Variants in RBFOX1 observed in about 807,000 individuals in gnomAD.
RBFOX1 encodes RNA binding protein fox-1 homolog 1.
Under a neutral mutation model 57.7 loss-of-function variants are expected in RBFOX1, and 8 were observed. That is an observed-to-expected ratio of 0.14 (90% CI 0.08 to 0.25). The LOEUF (loss-of-function observed/expected upper bound fraction) is 0.25. RBFOX1 is among the 10% of genes least tolerant of loss of function. RBFOX1 has a pLI of 1.00. For synonymous variants in RBFOX1, 326 were observed against 222.4 expected (o/e 1.47, Z -4.15); for missense variants, 611 against 548.5 (o/e 1.11, Z -1.14).
At chr16:6,488,646 A>G (rs1420312416) in intron 2 of RBFOX1, among the ~76,000 whole-genome samples, 2 of 152,224 alleles carry the variant, frequency 1.3e-5, no homozygotes, top group African/African-American at 4.8e-5. Flanking sequence ...TGAGTTTAGA[A>G]TTTAGCATTT....
At chr16:5,502,664 C>G (rs940137836) in intron 2 of RBFOX1, among the ~76,000 whole-genome samples, 1 of 152,128 alleles carries the variant, frequency 6.6e-6, no homozygotes, top group South Asian at 2.1e-4. Flanking sequence ...GGCTGGGAGT[C>G]GAAGGGGTTA....
intron 5 of RBFOX1, among the ~76,000 whole-genome samples, chr16:7,539,330 C>A (rs1305962824): frequency 6.6e-6 from 1 of 152,142 alleles, no homozygotes; most frequent in Non-Finnish European, 1.5e-5. Flanking sequence ...ACAGTGGGAG[C>A]AGCATTCCAG....
At chr16:6,842,831 C>T (rs1377687439) in intron 3 of RBFOX1, among the ~76,000 whole-genome samples, 2 of 151,914 alleles carry the variant, frequency 1.3e-5, no homozygotes, top group Admixed American at 1.3e-4. Context: ...TTCCCCCAAC[C>T]CCCTGACAGG....
chr16:5,472,975 C>G (rs1371012735), intron 2 of RBFOX1, among the ~76,000 whole-genome samples: 1 of 152,166 alleles, frequency 6.6e-6, no homozygotes, highest in East Asian at 1.9e-4. Context: ...TCCAGACAGT[C>G]TGACACTGAC....
At chr16:6,658,493 C>T (rs1038408587) in intron 3 of RBFOX1, among the ~76,000 whole-genome samples, 1 of 152,126 alleles carries the variant, frequency 6.6e-6, no homozygotes, top group African/African-American at 2.4e-5. Flanking sequence ...AGGCATGAGC[C>T]ACCACACCCG....
At chr16:6,897,669 T>A (rs892596263) in intron 3 of RBFOX1, among the ~76,000 whole-genome samples, 1 of 152,038 alleles carries the variant, frequency 6.6e-6, no homozygotes, top group African/African-American at 2.4e-5. Flanking sequence ...GGCACGTGTC[T>A]GTAATCACAG....
chr16:7,068,575 CTAT>C lies in RBFOX1; in HGVS notation c.27+16494_27+16496del, dbSNP rs1265087732. On this transcript the variant is annotated intron_variant, in intron 4 of 15. Coordinates refer to ENST00000550418, the MANE Select transcript of RBFOX1 (RefSeq NM_018723.4). ...CCATAATAGTACTGACTCTTTGATA[CTAT>C]TATTATTATTATTATTTATTATTTT... 2.0e-4 allele frequency among the ~76,000 whole-genome samples: 30 copies of C among 151,950 alleles called. No homozygotes were observed. The East Asian group carries it at 3.7e-3, about 19-fold the overall frequency.
chr16:5,288,530 T>C (rs2063455120), intron 1 of RBFOX1, among the ~76,000 whole-genome samples: 1 of 152,126 alleles, frequency 6.6e-6, no homozygotes, highest in Admixed American at 6.5e-5. Flanking sequence ...TGTGTCAGGT[T>C]GGTCTGGCTT....
At chr16:5,499,729 C>A (rs573542472) in intron 2 of RBFOX1, among the ~76,000 whole-genome samples, 1 of 151,970 alleles carries the variant, frequency 6.6e-6, no homozygotes, top group Non-Finnish European at 1.5e-5. Flanking sequence ...CCCACCACCA[C>A]GCCTGGCTAA....
intron 2 of RBFOX1, among the ~76,000 whole-genome samples, chr16:6,486,015 T>TGC (rs200102883): frequency 0.044 from 5,775 of 131,228 alleles, 356 homozygotes; most frequent in African/African-American, 0.15. Context: ...CTAATTATTT[T>TGC]TCTTTTTTTT....
chr16:7,049,687 T>TA (rs1216894561), intron 3 of RBFOX1, among the ~76,000 whole-genome samples: 5 of 152,076 alleles, frequency 3.3e-5, no homozygotes, highest in Admixed American at 1.3e-4. Flanking sequence ...GTCGTTTTGT[T>TA]CCCCCCTCCA....
rs116975430 is a variant in RBFOX1, at chr16:5,617,237, A to G, written c.318+18276A>G. On this transcript the variant is annotated intron_variant, in intron 3 of 19. Transcript: ENST00000641259. ...GACCCCAGAATCTTTAGCACATGGC[A>G]TTCCTCTAACTTCCCTACCTGGAAA... is the stretch of plus-strand genomic sequence containing the variant. Among the ~76,000 whole-genome samples the G allele has an allele frequency of 4.4e-3, 673 of 152,260 alleles. 21 individuals are homozygous for G. In the East Asian group the frequency reaches 0.07, roughly 16 times the overall value.
At chr16:7,710,537 C>T in intron 15 of RBFOX1, 86 bp from the exon 16 acceptor site, 1 of 1,584,694 alleles carries the variant, frequency 6.3e-7, no homozygotes, top group East Asian at 2.3e-5. Flanking sequence ...TTTTGAGTGT[C>T]TATTTTTCAC....
At chr16:6,918,448 C>G (rs988781525) in intron 3 of RBFOX1, among the ~76,000 whole-genome samples, 2 of 152,134 alleles carry the variant, frequency 1.3e-5, no homozygotes, top group African/African-American at 2.4e-5. Context: ...TTCATACATG[C>G]AGAGTAAAAC....
chr16:7,035,147 C>T (rs918970445), intron 3 of RBFOX1, among the ~76,000 whole-genome samples: 8 of 151,974 alleles, frequency 5.3e-5, no homozygotes, highest in Non-Finnish European at 8.8e-5. Context: ...TGCACCGGGC[C>T]TCTGAGACAG....
intron 4 of RBFOX1, among the ~76,000 whole-genome samples, chr16:7,118,527 A>G (rs1378836623): frequency 6.6e-6 from 1 of 152,116 alleles, no homozygotes; most frequent in African/African-American, 2.4e-5. Context: ...CTTCCCCACT[A>G]TACAATTCAT....
chr16:7,612,923 A>G (rs904185682), intron 10 of RBFOX1, among the ~76,000 whole-genome samples: 3 of 152,208 alleles, frequency 2.0e-5, no homozygotes, highest in African/African-American at 4.8e-5. Context: ...GATTCATAAG[A>G]TGCACCACTT....
chr16:6,570,609 C>G (rs1567721137), intron 2 of RBFOX1, among the ~76,000 whole-genome samples: 1 of 151,998 alleles, frequency 6.6e-6, no homozygotes, highest in Non-Finnish European at 1.5e-5. Flanking sequence ...GTATCTCTAG[C>G]TTTTTTTAAC....
chr16:7,244,452 C>G (rs1338595178), intron 4 of RBFOX1, among the ~76,000 whole-genome samples: 1 of 152,094 alleles, frequency 6.6e-6, no homozygotes, highest in South Asian at 2.1e-4. Flanking sequence ...ATATTGAGAT[C>G]AAGTTTGGCC....
Sources: allele counts gnomAD v4.1 joint callset (sites outside exome capture counted in the v4.1 genomes callset), GRCh38; gene constraint gnomAD v4.1.1; transcripts MANE v1.5; gene names NCBI Gene and HGNC (gene_info 2026-07-23, HGNC 2026-07-21).